Variants in EFNB1 observed in about 807,000 individuals in gnomAD.
EFNB1 encodes the protein ephrin-B1.
Under a neutral mutation model 18.1 loss-of-function variants are expected in EFNB1, and 1 was observed. That is an observed-to-expected ratio of 0.06 (90% CI 0.02 to 0.26). The LOEUF is 0.26. EFNB1 is among the 10% of genes least tolerant of loss of function. The probability of loss-of-function intolerance (pLI) is 1.00; values close to 1 mark genes in which losing one functional copy is unlikely to be tolerated. For missense variants in EFNB1, 221 were observed against 301.8 expected (o/e 0.73, Z 1.98); for synonymous variants, 131 against 127.5 (o/e 1.03, Z -0.19).
intron 1 of EFNB1, 32 bp from the exon 2 acceptor site, chrX:68,838,585 C>T: frequency 8.3e-7 from 1 of 1,210,944 alleles, no homozygotes; most frequent in Non-Finnish European, 1.1e-6. Context: ...ACCCCCAACC[C>T]TGAGGCTGAC....
intron 1 of EFNB1, among the ~76,000 whole-genome samples, chrX:68,835,195 C>T (rs751311589): frequency 9.0e-6 from 1 of 110,906 alleles, no homozygotes; most frequent in South Asian, 3.9e-4. Flanking sequence ...GGGGTGGCGC[C>T]CTGGGGTCCC....
Position 68,838,719 on chromosome X carries a change from G to A in EFNB1, c.231G>A (p.Lys77=). 8.3e-7 allele frequency: 1 copy of A among 1,211,462 alleles called. No individual in the cohort carries two copies. The highest frequency in any genetic ancestry group is 1.1e-6 in the Non-Finnish European group (1 of 895,326). ...CAGGGCGGCCCTATGAGTACTACAA[G>A]CTGTACCTGGTGCGGCCTGAGCAGG... ...AEAGRPYEYY[K]LYLVRPEQAA... The change falls in exon 2 of 5, where the codon AAG becomes AAA. Residue 77 remains lysine, a synonymous_variant. Coordinates refer to ENST00000204961, the MANE Select transcript of EFNB1 (RefSeq NM_004429.5).
At chrX:68,836,940 T>C (rs2080462121) in intron 1 of EFNB1, among the ~76,000 whole-genome samples, 1 of 111,873 alleles carries the variant, frequency 8.9e-6, no homozygotes, top group African/African-American at 3.3e-5. Context: ...GGGCTTTGTG[T>C]TGTAGCCACT....
In EFNB1 at chrX:68,829,920, C is replaced by G; in HGVS notation, c.128+16C>G. 8.6e-7 allele frequency: 1 copy of G among 1,167,959 alleles called. No individual in the cohort carries two copies. The highest frequency in any genetic ancestry group is 1.1e-6 in the Non-Finnish European group (1 of 872,989). ...TCAACCCCAAGTGAGTAACTTATCT[C>G]CTCTGGACGCTGGGGTGGGAGGCAC... On this transcript the variant is annotated intron_variant, in intron 1 of 4. Transcript: ENST00000204961.
rs1040469914 is a variant in EFNB1 at position 68,833,629 on chromosome X, C to G, written c.128+3725C>G. ...GTCCACTCTGTGACTATTAGAGGAG[C>G]TGAGATACGGGGGTGCTCACCAGCC... On this transcript the variant is annotated intron_variant, in intron 1 of 4. Coordinates refer to ENST00000204961, the MANE Select transcript of EFNB1 (RefSeq NM_004429.5). 9.4e-4 allele frequency among the ~76,000 whole-genome samples: 105 copies of G among 111,964 alleles called. 1 individual carries two copies. The highest frequency in any genetic ancestry group is 4.6e-3 in the Middle Eastern group (1 of 218).
chrX:68,838,131 ATGTGTG>A (rs1193927663), intron 1 of EFNB1, among the ~76,000 whole-genome samples: 60 of 55,546 alleles, frequency 1.1e-3, no homozygotes, highest in African/African-American at 4.1e-3. Flanking sequence ...GTGTGTGTGT[ATGTGTG>A]TGTGTGTGTG....
chrX:68,835,484 G>A (rs989381078), intron 1 of EFNB1, among the ~76,000 whole-genome samples: 9 of 111,303 alleles, frequency 8.1e-5, no homozygotes, highest in Admixed American at 3.8e-4. Context: ...AGTATGACTA[G>A]TGTTCTACCT....
Position 68,829,427 on chromosome X carries a change from A to G in EFNB1, c.-350A>G. 4.4e-6 allele frequency: 1 copy of G among 226,549 alleles called. No homozygotes were observed. Among genetic ancestry groups the G allele is most frequent in the Non-Finnish European group, 7.9e-6 (1 of 126,447 alleles). The allele number at this position is 226,549 out of a possible 1,213,427, so 18.7% of individuals were successfully genotyped here. On this transcript the variant is annotated 5_prime_UTR_variant, in exon 1 of 5. Coordinates refer to ENST00000204961, the MANE Select transcript of EFNB1 (RefSeq NM_004429.5). ...CCTCTGCGGGAAGACCCCGTCGGGG[A>G]GAGGGCGCGCAGCCCCGAAGCGTCT... is the stretch of plus-strand genomic sequence containing the variant.
intron 1 of EFNB1, among the ~76,000 whole-genome samples, chrX:68,836,398 G>A (rs1223156223): frequency 2.7e-5 from 3 of 112,143 alleles, no homozygotes; most frequent in African/African-American, 6.5e-5. Flanking sequence ...GCCCTCTATA[G>A]TTAGGTACCA....
intron 1 of EFNB1, among the ~76,000 whole-genome samples, chrX:68,832,721 T>C (rs1183246123): frequency 9.0e-6 from 1 of 111,182 alleles, no homozygotes; most frequent in Non-Finnish European, 1.9e-5. Context: ...TCTGCCTCCT[T>C]GGCCCCTCCT....
rs777218714 is a variant in EFNB1 at position 68,840,701 on chromosome X, G to A, written c.*47G>A. 12 of 1,164,650 alleles carry A rather than the reference G, an allele frequency of 1.0e-5. No individual in the cohort carries two copies. Among genetic ancestry groups the A allele is most frequent in the Admixed American group, 7.3e-5 (3 of 40,853 alleles). On this transcript the variant is annotated 3_prime_UTR_variant, in exon 5 of 5. Transcript: ENST00000204961. ...CCCCGAGGGACAGTCGGCCTGGACC[G>A]GACCTCTCCTTTCGCCCCCACACCC... is the stretch of plus-strand genomic sequence containing the variant.
chrX:68,838,174 C>CGT (rs2080466749), intron 1 of EFNB1, among the ~76,000 whole-genome samples: 2 of 27,259 alleles, frequency 7.3e-5, no homozygotes, highest in Middle Eastern at 0.022. Flanking sequence ...TGTGTGTGTG[C>CGT]GCGCGCGCGC....
At chrX:68,832,938 G>A (rs185720758) in intron 1 of EFNB1, among the ~76,000 whole-genome samples, 12 of 110,531 alleles carry the variant, frequency 1.1e-4, no homozygotes, top group Non-Finnish European at 1.7e-4. Flanking sequence ...TCACACTTGA[G>A]TCCTCAGCCA....
In EFNB1 at chrX:68,841,656, G is replaced by C. The variant is rs1173536015; in HGVS notation, c.*1002G>C. On this transcript the variant is annotated 3_prime_UTR_variant, in exon 5 of 5. Transcript: ENST00000204961. ...AGAGGCCCAGGGTGGAGACCTAAGC[G>C]GGTATAAGACCAGGTGGCCTGCTCC... 1 of 111,769 alleles carries C rather than the reference G, an allele frequency of 8.9e-6. No individual in the cohort carries two copies. Among genetic ancestry groups the C allele is most frequent in the East Asian group, 2.8e-4 (1 of 3,543 alleles). The allele number at this position is 111,769 out of a possible 1,213,427, so 9.2% of individuals were successfully genotyped here.
Position 68,829,604 on chromosome X carries a change from G to A in EFNB1, c.-173G>A. 1.2e-6 allele frequency: 1 copy of A among 853,156 alleles called. No homozygotes were observed. Among genetic ancestry groups the A allele is most frequent in the Non-Finnish European group, 1.6e-6 (1 of 610,809 alleles). The allele number at this position is 853,156 out of a possible 1,213,427, so 70.3% of individuals were successfully genotyped here. Reference sequence around the variant, plus strand: ...GGCTGCCCAGTGAGTCCTCCTGGCCGGCCGGGCGGAGAAGAGCGACACCGA... The same window carrying A: ...GGCTGCCCAGTGAGTCCTCCTGGCCAGCCGGGCGGAGAAGAGCGACACCGA... On this transcript the variant is annotated 5_prime_UTR_variant, in exon 1 of 5. Coordinates refer to ENST00000204961, the MANE Select transcript of EFNB1 (RefSeq NM_004429.5).
intron 2 of EFNB1, 109 bp from the exon 3 acceptor site, chrX:68,839,555 A>C: frequency 1.4e-6 from 1 of 703,695 alleles, no homozygotes; most frequent in Non-Finnish European, 2.2e-6. Context: ...GCTTCTCCCG[A>C]CTGCAGTTTC....
In EFNB1 at chrX:68,840,481, G is replaced by A. The variant is rs778402835; in HGVS notation, c.868G>A (p.Gly290Arg). 6.3e-5 allele frequency: 76 copies of A among 1,210,138 alleles called. No individual in the cohort carries two copies. Among genetic ancestry groups the A allele is most frequent in the Non-Finnish European group, 7.7e-5 (69 of 894,957 alleles). Reference protein sequence around the residue: ...LSLSTLASPKGGSGTAGTEPS... With the variant: ...LSLSTLASPKRGSGTAGTEPS... ...GCTCAGTACCCTGGCCAGTCCCAAG[G>A]GGGGCAGTGGCACAGCGGGCACCGA... Residue 290 changes from glycine to arginine, a missense_variant, in exon 5 of 5, where the codon GGG becomes AGG. Gly to Arg is a moderately radical substitution (Grantham distance 125, BLOSUM62 -2). Coordinates refer to ENST00000204961, the MANE Select transcript of EFNB1 (RefSeq NM_004429.5).
intron 1 of EFNB1, among the ~76,000 whole-genome samples, chrX:68,832,055 A>G (rs1420679052): frequency 9.1e-6 from 1 of 109,838 alleles, no homozygotes; most frequent in East Asian, 2.9e-4. Context: ...GGTGGGGGCA[A>G]ATGGACAGGA....
In EFNB1 at chrX:68,839,682, T is replaced by C. The variant is rs748061613; in HGVS notation, c.425T>C (p.Leu142Pro). 1 of 1,209,859 alleles carries C rather than the reference T, an allele frequency of 8.3e-7. No individual in the cohort carries two copies. ...CCTGCAGCAACATCCAATGGAAGCC[T>C]GGAGGGGCTGGAAAACCGGGAGGGC... Reference protein sequence around the residue: ...YYITSTSNGSLEGLENREGGV... With the variant: ...YYITSTSNGSPEGLENREGGV... Residue 142 changes from leucine to proline, a missense_variant, in exon 3 of 5, where the codon CTG (leucine) becomes CCG (proline). Leu to Pro is a moderately conservative substitution (Grantham distance 98, BLOSUM62 -3). Transcript: ENST00000204961.
Sources: gnomAD v4.1 joint callset for allele counts (sites outside exome capture counted in the v4.1 genomes callset) on GRCh38, gnomAD v4.1.1 for gene constraint, MANE v1.5 for transcripts, NCBI Gene and HGNC (gene_info 2026-07-23, HGNC 2026-07-21) for gene names.